The following RAP1GDS1 variants were observed in gnomAD, a reference collection of about 807,000 sequenced individuals.
The protein encoded by RAP1GDS1 is Rap1 GTPase-GDP dissociation stimulator 1, also known as RAP1, GTP-GDP dissociation stimulator 1.
RAP1GDS1 carries 35 observed loss-of-function variants against 71.1 expected under a neutral mutation model. That is an observed-to-expected ratio of 0.49 (90% CI 0.38 to 0.65). The LOEUF (loss-of-function observed/expected upper bound fraction) is 0.65. RAP1GDS1 is among the 30% of genes least tolerant of loss of function. The pLI, the probability that RAP1GDS1 is intolerant of heterozygous loss-of-function variation, is 0.00. For missense variants in RAP1GDS1, 663 were observed against 706.1 expected (o/e 0.94, Z 0.69); for synonymous variants, 229 against 243.1 (o/e 0.94, Z 0.54).
At chr4:98,289,659 T>G (rs1334106839) in intron 1 of RAP1GDS1, among the ~76,000 whole-genome samples, 1 of 151,908 alleles carries the variant, frequency 6.6e-6, no homozygotes, top group African/African-American at 2.4e-5. Flanking sequence ...CCACTTGACA[T>G]GCTAACAGAA....
intron 2 of RAP1GDS1, among the ~76,000 whole-genome samples, chr4:98,333,596 A>C (rs1253410708): frequency 1.3e-5 from 2 of 152,048 alleles, no homozygotes; most frequent in African/African-American, 2.4e-5. Flanking sequence ...CTATTACTTA[A>C]TTTAACATAA....
At chr4:98,323,326 C>T (rs1341201233) in intron 2 of RAP1GDS1, among the ~76,000 whole-genome samples, 6 of 144,412 alleles carry the variant, frequency 4.2e-5, no homozygotes, top group South Asian at 2.2e-4. Context: ...GATTCGCAGC[C>T]GAATTCTACC....
intron 7 of RAP1GDS1, chr4:98,409,588 A>G: frequency 5.0e-6 from 1 of 200,714 alleles, no homozygotes; most frequent in East Asian, 1.3e-4. Context: ...GAGCCAAGAT[A>G]CCTCCCCGAA....
In RAP1GDS1 at chr4:98,284,867, C is replaced by T. The variant is rs565702222; in HGVS notation, c.5-8541C>T. Among the ~76,000 whole-genome samples the T allele has an allele frequency of 2.5e-4, 38 of 152,206 alleles. No homozygotes were observed. The South Asian group carries it at 7.3e-3, about 29-fold the overall frequency. On this transcript the variant is annotated intron_variant, in intron 1 of 14. Transcript: ENST00000408927. ...GGTCAGAAATCCTAGTCTTTGAGTC[C>T]TTTCATGCCAGTCACCAGCCATGTG... is the stretch of plus-strand genomic sequence containing the variant.
chr4:98,416,757 T>C lies in RAP1GDS1; in HGVS notation c.776T>C (p.Leu259Pro), dbSNP rs1578808929. 4 of 1,603,796 alleles carry C rather than the reference T, an allele frequency of 2.5e-6. No individual in the cohort carries two copies. Among genetic ancestry groups the C allele is most frequent in the Non-Finnish European group, 3.4e-6 (4 of 1,171,394 alleles). Residue 259 changes from leucine (L) to proline (P), a missense_variant, in exon 8 of 15, where the codon CTA becomes CCA. Coordinates refer to ENST00000408927, the MANE Select transcript of RAP1GDS1 (RefSeq NM_001100427.2). Reference sequence around the variant, plus strand: ...CGTTGTTCTTTAGATGCTATTAAACTACAGCTGGTTGAAGCAGGCCTAGTA... The same window carrying C: ...CGTTGTTCTTTAGATGCTATTAAACCACAGCTGGTTGAAGCAGGCCTAGTA... ...APLAENDAIK[L>P]QLVEAGLVEC... is the part of the protein sequence containing the mutation.
At chr4:98,432,987 A>G (rs1750653178) in intron 12 of RAP1GDS1, among the ~76,000 whole-genome samples, 1 of 152,104 alleles carries the variant, frequency 6.6e-6, no homozygotes, top group African/African-American at 2.4e-5. Flanking sequence ...ATATATACTT[A>G]CATCATTCCA....
At chr4:98,316,611 G>A (rs12510055) in intron 2 of RAP1GDS1, among the ~76,000 whole-genome samples, 21,062 of 151,938 alleles carry the variant, frequency 0.14, 2,091 homozygotes, top group African/African-American at 0.27. Context: ...GAGAATGGGG[G>A]AAATACAATG....
At chr4:98,407,650 A>G (rs1224911857) in intron 7 of RAP1GDS1, among the ~76,000 whole-genome samples, 1 of 152,160 alleles carries the variant, frequency 6.6e-6, no homozygotes, top group Non-Finnish European at 1.5e-5. Context: ...TAGAGAGTGG[A>G]TAGAATGGAC....
chr4:98,352,971 G>A (rs938203754), intron 4 of RAP1GDS1, among the ~76,000 whole-genome samples: 14 of 152,192 alleles, frequency 9.2e-5, no homozygotes, highest in African/African-American at 1.4e-4. Context: ...AAGTTTCTGC[G>A]TCTGTCCAAA....
At chr4:98,433,539 CAG>C (rs1217402190) in intron 12 of RAP1GDS1, among the ~76,000 whole-genome samples, 1 of 152,132 alleles carries the variant, frequency 6.6e-6, no homozygotes, top group Admixed American at 6.6e-5. Context: ...TTTGGCCTGT[CAG>C]AGCACTGGGA....
At chr4:98,316,753 A>T (rs1416015843) in intron 2 of RAP1GDS1, among the ~76,000 whole-genome samples, 1 of 152,216 alleles carries the variant, frequency 6.6e-6, no homozygotes, top group African/African-American at 2.4e-5. Context: ...TAGAAAATGA[A>T]GAAAAGAGAG....
At chr4:98,437,904 G>A (rs1223941542) in intron 14 of RAP1GDS1, among the ~76,000 whole-genome samples, 2 of 152,038 alleles carry the variant, frequency 1.3e-5, no homozygotes, top group East Asian at 3.9e-4. Flanking sequence ...GTATTATGCA[G>A]TTATTGGGTA....
intron 2 of RAP1GDS1, among the ~76,000 whole-genome samples, chr4:98,326,897 G>T (rs1733186119): frequency 6.6e-6 from 1 of 152,182 alleles, no homozygotes; most frequent in Admixed American, 6.5e-5. Context: ...GTAAGAGCTA[G>T]AATTAGTATA....
At chr4:98,324,613 G>A (rs1437263528) in intron 2 of RAP1GDS1, among the ~76,000 whole-genome samples, 6 of 144,786 alleles carry the variant, frequency 4.1e-5, no homozygotes, top group South Asian at 2.3e-4. Context: ...CAGAAATAAC[G>A]CCGCATACCT....
chr4:98,352,411 G>A (rs955201911), intron 3 of RAP1GDS1, 65 bp from the exon 4 acceptor site: 12 of 1,538,472 alleles, frequency 7.8e-6, no homozygotes, highest in Non-Finnish European at 1.1e-5. Context: ...TATTTTATTA[G>A]GGGAGATGAT....
intron 2 of RAP1GDS1, among the ~76,000 whole-genome samples, chr4:98,320,340 GT>G (rs1560828241): frequency 6.6e-6 from 1 of 152,178 alleles, no homozygotes; most frequent in Non-Finnish European, 1.5e-5. Flanking sequence ...GTGTTGATAG[GT>G]TTTGTGTTTT....
chr4:98,306,980 C>T (rs1729414458), intron 2 of RAP1GDS1, among the ~76,000 whole-genome samples: 1 of 151,992 alleles, frequency 6.6e-6, no homozygotes, highest in African/African-American at 2.4e-5. Context: ...TATAATGAGA[C>T]ATTTTTTGGA....
chr4:98,332,994 T>C (rs1734211276), intron 2 of RAP1GDS1, among the ~76,000 whole-genome samples: 1 of 152,192 alleles, frequency 6.6e-6, no homozygotes, highest in African/African-American at 2.4e-5. Flanking sequence ...TTGTCCTATA[T>C]GTCCTCTTTC....
chr4:98,436,800 TAA>T, intron 13 of RAP1GDS1, 138 bp from the exon 14 acceptor site: 1 of 831,806 alleles, frequency 1.2e-6, no homozygotes, highest in Non-Finnish European at 1.7e-6. Flanking sequence ...GGTCTGAATT[TAA>T]TATTATTTTT....
Sources: gnomAD v4.1 joint callset for allele counts (sites outside exome capture counted in the v4.1 genomes callset) on GRCh38, gnomAD v4.1.1 for gene constraint, MANE v1.5 for transcripts, NCBI Gene and HGNC (gene_info 2026-07-23, HGNC 2026-07-21) for gene names.